NWD2: variants seen among roughly 807,000 people sequenced by gnomAD.
The protein encoded by NWD2 is NACHT and WD repeat domain-containing protein 2.
NWD2 carries 37 observed loss-of-function variants against 132.7 expected under a neutral mutation model. The observed-to-expected ratio is 0.28, with a 90% confidence interval of 0.21 to 0.37. The LOEUF (loss-of-function observed/expected upper bound fraction) is 0.37. Among genes scored for constraint, NWD2 ranks in the 10% least tolerant of loss-of-function variants. The pLI, the probability that NWD2 is intolerant of heterozygous loss-of-function variation, is 1.00. For missense variants in NWD2, 1,592 were observed against 2,122.4 expected, an observed-to-expected ratio of 0.75 and a Z score of 4.91; for synonymous variants, 705 against 803.0, an observed-to-expected ratio of 0.88 and a Z score of 2.06.
intron 1 of NWD2, among the ~76,000 whole-genome samples, chr4:37,285,692 A>G (rs957179071): frequency 2.6e-5 from 4 of 152,076 alleles, no homozygotes; most frequent in African/African-American, 7.2e-5. Flanking sequence ...TTTGGTTAAT[A>G]TATTTTTACT....
chr4:37,312,761 T>C (rs1160498542), intron 1 of NWD2, among the ~76,000 whole-genome samples: 1 of 151,168 alleles, frequency 6.6e-6, no homozygotes, highest in Admixed American at 6.5e-5. Context: ...ATATTGGCTA[T>C]GGGTTTGTCA....
Position 37,418,641 on chromosome 4 carries a change from AAT to A in NWD2, c.358-11918_358-11917del, listed in dbSNP as rs201027878. Reference sequence around the variant, plus strand: ...CTGTGATCTTTCTCCCAAAAAAAAAAATATATATATATATTTATAACCCTTTG... The same window carrying A: ...CTGTGATCTTTCTCCCAAAAAAAAAAATATATATATATTTATAACCCTTTG... On this transcript the variant is annotated intron_variant, in intron 3 of 6. Transcript: ENST00000309447. 5.5e-3 allele frequency among the ~76,000 whole-genome samples: 761 copies of A among 139,348 alleles called. 6 individuals carry two copies. Among genetic ancestry groups the A allele is most frequent in the African/African-American group, 0.018 (656 of 36,326 alleles). 91.4% of individuals were successfully genotyped at this position (139,348 alleles called of 152,430 possible).
chr4:37,445,485 T>G lies in NWD2; in HGVS notation c.3497T>G (p.Leu1166Arg). ...EMVMVDSEGS[L>R]SVWNTEDISS... ...GTCATGGTAGACAGTGAAGGAAGTC[T>G]TTCTGTTTGGAATACTGAGGACATT... is the stretch of plus-strand genomic sequence containing the variant. Residue 1166 changes from leucine (L) to arginine (R), a missense_variant, in exon 7 of 7, where the codon CTT becomes CGT. By Grantham distance (102) the Leu-to-Arg change is moderately radical. Transcript: ENST00000309447. The surrounding 1 kb of genome is among the most constrained non-coding windows in gnomAD (Gnocchi z 4.7). The G allele has an allele frequency of 6.4e-7, 1 of 1,551,836 alleles. No homozygotes were observed. The highest frequency in any genetic ancestry group is 8.7e-7 in the Non-Finnish European group (1 of 1,147,036).
At chr4:37,405,478 ATAGAATAGAATAG>A (rs1720983922) in intron 3 of NWD2, among the ~76,000 whole-genome samples, 1 of 110,838 alleles carries the variant, frequency 9.0e-6, no homozygotes, top group South Asian at 3.3e-4. Flanking sequence ...ATAGAATAGA[ATAGAATAGAATAG>A]AAAACATCAG....
intron 3 of NWD2, among the ~76,000 whole-genome samples, chr4:37,366,574 A>T (rs1256541635): frequency 6.6e-6 from 1 of 152,178 alleles, no homozygotes; most frequent in Non-Finnish European, 1.5e-5. Flanking sequence ...TATTAAATAC[A>T]GGTTCAACTG....
intron 3 of NWD2, among the ~76,000 whole-genome samples, chr4:37,406,566 A>G (rs1158395506): frequency 6.6e-6 from 1 of 152,220 alleles, no homozygotes; most frequent in East Asian, 1.9e-4. Flanking sequence ...GATAGAATGG[A>G]TAAAGAAAAT....
At chr4:37,308,216 G>T (rs1718750460) in intron 1 of NWD2, among the ~76,000 whole-genome samples, 1 of 152,104 alleles carries the variant, frequency 6.6e-6, no homozygotes, top group Non-Finnish European at 1.5e-5. Flanking sequence ...ACATCTGGTA[G>T]AACAGTCACG....
rs555182625 is a variant in NWD2 at position 37,361,535 on chromosome 4, T to C, written c.357+5053T>C. Among the ~76,000 whole-genome samples, 4 of 152,228 alleles carry C rather than the reference T, an allele frequency of 2.6e-5. No individual in the cohort carries two copies. The East Asian group carries it at 7.7e-4, about 29-fold the overall frequency. On this transcript the variant is annotated intron_variant, in intron 3 of 6. Transcript: ENST00000309447. ...TGGGATGCAAGGTTGGTTCAACATA[T>C]GCAAACCAATAAATGTGACACACCC...
In NWD2 at chr4:37,444,133, C is replaced by A. The variant is rs1473299375; in HGVS notation, c.2145C>A (p.Leu715=). 4.8e-5 allele frequency: 74 copies of A among 1,551,620 alleles called. No homozygotes were observed. The highest frequency in any genetic ancestry group is 6.2e-5 in the Non-Finnish European group (71 of 1,147,004). The part of the protein sequence containing the change: ...YLYIARLKEG[L]SGYLIERHVK... ...ACATTGCAAGGCTCAAGGAGGGTCT[C>A]AGTGGATACCTAATAGAAAGACATG... is the stretch of plus-strand genomic sequence containing the variant. The change falls in exon 7 of 7, where the codon CTC becomes CTA. Residue 715 remains leucine, a synonymous_variant. Transcript: ENST00000309447. The surrounding 1 kb of genome is among the most constrained non-coding windows in gnomAD (Gnocchi z 4.8).
At chr4:37,435,846 C>A (rs939523203) in intron 5 of NWD2, among the ~76,000 whole-genome samples, 1 of 152,100 alleles carries the variant, frequency 6.6e-6, no homozygotes, top group Non-Finnish European at 1.5e-5. Context: ...GACAATTTTA[C>A]TTATTTTACG....
chr4:37,444,847 TG>T lies in NWD2; in HGVS notation c.2860del (p.Val954Ter). ...TTGTACCACTGCATTCATCCATGGATGTGACATACAGCCCAGAGCGTCTTCC... is the reference window on the plus strand; with the variant it reads ...TTGTACCACTGCATTCATCCATGGATTGACATACAGCCCAGAGCGTCTTCC... ...SIVPLHSSMD[V>X]TYSPERLPLS... On this transcript the variant is annotated frameshift_variant, in exon 7 of 7. Transcript: ENST00000309447. LOFTEE classifies it high-confidence loss of function. The surrounding 1 kb of genome is among the most constrained non-coding windows in gnomAD (Gnocchi z 4.8). The T allele has an allele frequency of 6.4e-7, 1 of 1,552,302 alleles. No individual in the cohort carries two copies.
intron 5 of NWD2, among the ~76,000 whole-genome samples, chr4:37,436,799 G>T (rs1264388670): frequency 1.3e-5 from 2 of 152,114 alleles, no homozygotes; most frequent in Non-Finnish European, 2.9e-5. Context: ...ATGATGTCCA[G>T]ATTTCTGGCA....
chr4:37,295,954 A>G (rs1718480899), intron 1 of NWD2, among the ~76,000 whole-genome samples: 1 of 152,204 alleles, frequency 6.6e-6, no homozygotes, highest in South Asian at 2.1e-4. Context: ...GCCAAAATCA[A>G]TACTCATGGT....
chr4:37,258,496 T>C (rs1459335317), intron 1 of NWD2, among the ~76,000 whole-genome samples: 1 of 152,214 alleles, frequency 6.6e-6, no homozygotes, highest in African/African-American at 2.4e-5. Flanking sequence ...GTTAATCATT[T>C]ATTTGTTAAT....
chr4:37,429,337 CAG>C (rs896307950), intron 3 of NWD2, among the ~76,000 whole-genome samples: 9 of 151,626 alleles, frequency 5.9e-5, no homozygotes, highest in African/African-American at 2.2e-4. Flanking sequence ...TTTTTTGAGA[CAG>C]AGTCTCATTC....
chr4:37,265,161 C>G (rs949231280), intron 1 of NWD2, among the ~76,000 whole-genome samples: 39 of 151,976 alleles, frequency 2.6e-4, no homozygotes, highest in Non-Finnish European at 7.4e-5. Flanking sequence ...AATGATAATA[C>G]TGAATCATTC....
Position 37,266,934 on chromosome 4 carries a change from AT to A in NWD2, c.151+21718del, listed in dbSNP as rs529588814. 3.9e-5 allele frequency among the ~76,000 whole-genome samples: 6 copies of A among 152,126 alleles called. No individual in the cohort carries two copies. The East Asian group carries it at 1.2e-3, about 29-fold the overall frequency. On this transcript the variant is annotated intron_variant, in intron 1 of 6. Coordinates refer to ENST00000309447, the MANE Select transcript of NWD2 (RefSeq NM_001144990.2). ...GATATCTCGAGGCAGCTCAAATTTA[AT>A]TAAAATAGGTGCTAAAAATTCAGAG... is the stretch of plus-strand genomic sequence containing the variant.
intron 1 of NWD2, among the ~76,000 whole-genome samples, chr4:37,257,423 C>T (rs1042723338): frequency 6.6e-6 from 1 of 152,198 alleles, no homozygotes; most frequent in Non-Finnish European, 1.5e-5. Context: ...GGGTAAGATA[C>T]TTAGTCTTCT....
intron 1 of NWD2, among the ~76,000 whole-genome samples, chr4:37,279,840 T>A (rs1718092818): frequency 6.6e-6 from 1 of 152,152 alleles, no homozygotes; most frequent in African/African-American, 2.4e-5. Flanking sequence ...GGTAGAAATC[T>A]TTTCTCATAA....
Sources: gnomAD v4.1 joint callset for allele counts (sites outside exome capture counted in the v4.1 genomes callset) on GRCh38, gnomAD v4.1.1 for gene constraint, Gnocchi (gnomAD v3.1) non-coding constraint, MANE v1.5 for transcripts, NCBI Gene and HGNC (gene_info 2026-07-23, HGNC 2026-07-21) for gene names.